The following ME1 variants were observed in gnomAD, a reference collection of about 807,000 sequenced individuals.
ME1 encodes the protein NADP-dependent malic enzyme.
ME1 carries 74 observed loss-of-function variants against 66.4 expected under a neutral mutation model. The ratio of observed to expected loss-of-function variants is 1.11; its 90% CI spans 0.92 to 1.35. The LOEUF (loss-of-function observed/expected upper bound fraction) is 1.35, where lower values mean the gene tolerates loss of function less well. ME1 is among the 40% of genes most tolerant of loss of function. ME1 has a pLI of 0.00. For missense variants in ME1, 750 were observed against 694.1 expected (o/e 1.08, Z -0.90); for synonymous variants, 251 against 235.6 (o/e 1.07, Z -0.60).
intron 3 of ME1, among the ~76,000 whole-genome samples, chr6:83,390,698 C>G (rs372373690): frequency 6.6e-6 from 1 of 152,172 alleles, no homozygotes; most frequent in Admixed American, 6.5e-5. Flanking sequence ...CTTTCTCTAG[C>G]AGTAAAGCAT....
intron 6 of ME1, among the ~76,000 whole-genome samples, chr6:83,290,304 TC>T (rs1280022998): frequency 6.6e-6 from 1 of 152,206 alleles, no homozygotes; most frequent in African/African-American, 2.4e-5. Context: ...TTTAAATGTG[TC>T]CCAGAGATTC....
intron 3 of ME1, among the ~76,000 whole-genome samples, chr6:83,357,935 C>CTCTCTCTATATATA (rs1447805761): frequency 6.7e-5 from 2 of 30,036 alleles, no homozygotes; most frequent in African/African-American, 1.2e-4. Context: ...CTCTCTCTCT[C>CTCTCTCTATATATA]TATATATATA....
intron 12 of ME1, among the ~76,000 whole-genome samples, chr6:83,218,998 G>T (rs1177918468): frequency 6.6e-6 from 1 of 152,130 alleles, no homozygotes; most frequent in African/African-American, 2.4e-5. Flanking sequence ...TCAGAATAAT[G>T]CCTAGCATAT....
At chr6:83,285,049 A>G (rs1406615679) in intron 6 of ME1, among the ~76,000 whole-genome samples, 1 of 152,152 alleles carries the variant, frequency 6.6e-6, no homozygotes, top group African/African-American at 2.4e-5. Flanking sequence ...TATCTTTTTC[A>G]TATGATGATC....
In ME1 at chr6:83,253,635, T is replaced by C. The variant is rs905264782; in HGVS notation, c.808A>G (p.Ile270Val). The C allele has an allele frequency of 1.9e-6, 3 of 1,581,326 alleles. No homozygotes were observed. Among genetic ancestry groups the C allele is most frequent in the African/African-American group, 2.7e-5 (2 of 74,146 alleles). The change falls in exon 7 of 14, where the codon ATT (isoleucine) becomes GTT (valine). Residue 270 changes from isoleucine (I) to valine (V), a missense_variant. Physicochemically the swap from Ile to Val is conservative, Grantham distance 29. Transcript: ENST00000369705. Reference sequence around the variant, plus strand: ...GCAGTGAAAATTTTGTTACCTTGAATATCATCATTGAATGTGCAATACTGG... The same window carrying C: ...GCAGTGAAAATTTTGTTACCTTGAACATCATCATTGAATGTGCAATACTGG... ...RNQYCTFNDD[I>V]QGTASVAVAG...
chr6:83,214,821 T>C (rs1168736523), intron 13 of ME1, among the ~76,000 whole-genome samples: 2 of 152,172 alleles, frequency 1.3e-5, no homozygotes, highest in African/African-American at 4.8e-5. Context: ...TCCACTTACA[T>C]GATCTCCCTC....
intron 6 of ME1, among the ~76,000 whole-genome samples, chr6:83,259,612 A>G (rs1766844672): frequency 6.6e-6 from 1 of 152,200 alleles, no homozygotes; most frequent in Non-Finnish European, 1.5e-5. Context: ...TGAATGCTAG[A>G]ATAAGTAATC....
At chr6:83,315,093 A>AG (rs1768004984) in intron 6 of ME1, among the ~76,000 whole-genome samples, 1 of 152,198 alleles carries the variant, frequency 6.6e-6, no homozygotes, top group Admixed American at 6.5e-5. Flanking sequence ...TAAAAAAAAA[A>AG]GTATATTCAG....
chr6:83,342,378 T>C (rs539012166), intron 5 of ME1, among the ~76,000 whole-genome samples: 6 of 152,288 alleles, frequency 3.9e-5, no homozygotes, highest in African/African-American at 2.4e-5. Flanking sequence ...TGTCAGAGAA[T>C]TGGTTTGCTA....
At chr6:83,377,955 G>A (rs993983332) in intron 3 of ME1, among the ~76,000 whole-genome samples, 6 of 152,120 alleles carry the variant, frequency 3.9e-5, no homozygotes, top group African/African-American at 1.4e-4. Context: ...TCAAACCATA[G>A]AAAAATGAGA....
intron 6 of ME1, among the ~76,000 whole-genome samples, chr6:83,288,741 T>C (rs1445484598): frequency 6.6e-6 from 1 of 152,228 alleles, no homozygotes; most frequent in African/African-American, 2.4e-5. Context: ...TAAATTACTT[T>C]GGGCAGTAAG....
At chr6:83,283,609 AC>A (rs1767347315) in intron 6 of ME1, among the ~76,000 whole-genome samples, 1 of 152,152 alleles carries the variant, frequency 6.6e-6, no homozygotes, top group Non-Finnish European at 1.5e-5. Context: ...AAACAAACAA[AC>A]AAAAAACCCC....
chr6:83,359,684 G>T (rs1433159473), intron 3 of ME1, among the ~76,000 whole-genome samples: 1 of 152,182 alleles, frequency 6.6e-6, no homozygotes, highest in Non-Finnish European at 1.5e-5. Context: ...GTGGTGGAAT[G>T]GATTAGTCAC....
chr6:83,234,270 G>A (rs1470506080), intron 9 of ME1, among the ~76,000 whole-genome samples: 1 of 152,036 alleles, frequency 6.6e-6, no homozygotes. Flanking sequence ...TATCCCTAAG[G>A]ACAACAATTT....
At chr6:83,224,074 T>A in intron 11 of ME1, 141 bp from the exon 12 acceptor site, 1 of 743,290 alleles carries the variant, frequency 1.3e-6, no homozygotes, top group Non-Finnish European at 2.1e-6. Context: ...CTAATAAGTC[T>A]GGACAAGCTT....
chr6:83,327,583 C>A (rs923365168), intron 5 of ME1, among the ~76,000 whole-genome samples: 1 of 152,066 alleles, frequency 6.6e-6, no homozygotes, highest in East Asian at 1.9e-4. Context: ...TTGGTCAGAC[C>A]AGTTGATCTC....
intron 6 of ME1, among the ~76,000 whole-genome samples, chr6:83,303,735 C>T (rs1767772710): frequency 6.6e-6 from 1 of 152,002 alleles, no homozygotes; most frequent in Non-Finnish European, 1.5e-5. Flanking sequence ...AGTTGGAACA[C>T]TTTAGAAACA....
intron 6 of ME1, among the ~76,000 whole-genome samples, chr6:83,283,248 A>AAG (rs70987744): frequency 0.046 from 6,482 of 139,576 alleles, 631 homozygotes; most frequent in African/African-American, 0.12. Flanking sequence ...AAAAAAAAAA[A>AAG]TGATGAGTTC....
At chr6:83,392,048 T>A (rs1769632249) in intron 3 of ME1, among the ~76,000 whole-genome samples, 1 of 152,218 alleles carries the variant, frequency 6.6e-6, no homozygotes. Flanking sequence ...CACCAAAGTG[T>A]CCTAAGCCTG....
Sources: gnomAD v4.1 joint callset for allele counts (sites outside exome capture counted in the v4.1 genomes callset) on GRCh38, gnomAD v4.1.1 for gene constraint, MANE v1.5 for transcripts, NCBI Gene and HGNC (gene_info 2026-07-23, HGNC 2026-07-21) for gene names.